The following TEX2 variants were observed in gnomAD, a reference collection of about 807,000 sequenced individuals.
The protein encoded by TEX2 is testis expressed 2.
Under a neutral mutation model 106.9 loss-of-function variants are expected in TEX2, and 53 were observed. The observed-to-expected ratio is 0.50, with a 90% CI of 0.40 to 0.62. The LOEUF (loss-of-function observed/expected upper bound fraction) is 0.62. TEX2 is among the 20% of genes least tolerant of loss of function. TEX2 has a pLI of 0.00. For synonymous variants in TEX2, 523 were observed against 534.8 expected (o/e 0.98, Z 0.30); for missense variants, 1,207 against 1,379.0 (o/e 0.88, Z 1.98).
intron 6 of TEX2, among the ~76,000 whole-genome samples, chr17:64,172,364 A>AG (rs1206425234): frequency 1.3e-4 from 20 of 151,552 alleles, no homozygotes; most frequent in Admixed American, 1.3e-3. Flanking sequence ...AAAAAAAAAA[A>AG]AAGAAAAATA....
chr17:64,223,094 G>T (rs1388009466), intron 1 of TEX2, among the ~76,000 whole-genome samples: 3 of 152,246 alleles, frequency 2.0e-5, no homozygotes, highest in Middle Eastern at 3.4e-3. Flanking sequence ...ATTAGTAGCT[G>T]CCATCTAACT....
rs373409575 is a variant in TEX2, at chr17:64,197,106, T to G, written c.1645-2011A>C. On this transcript the variant is annotated intron_variant, in intron 2 of 11. Transcript: ENST00000584379. Reference sequence around the variant, plus strand: ...GGTCTATAGTTTTCTTGCAGTGTTTTTTGGTATTAATGAGCCTCAGAAAAT... The same window carrying G: ...GGTCTATAGTTTTCTTGCAGTGTTTGTTGGTATTAATGAGCCTCAGAAAAT... Among the ~76,000 whole-genome samples, 54 of 151,498 alleles carry G rather than the reference T, an allele frequency of 3.6e-4. 1 individual carries two copies. The East Asian group carries it at 5.9e-3, about 17-fold the overall frequency.
At position 64,190,335 on chromosome 17, in the gene TEX2, T is replaced by C. The variant is rs529223182; in HGVS notation, c.2177-1920A>G. Among the ~76,000 whole-genome samples the C allele has an allele frequency of 3.9e-5, 6 of 152,148 alleles. No homozygotes were observed. The South Asian group carries it at 1.2e-3, about 32-fold the overall frequency. On this transcript the variant is annotated intron_variant, in intron 4 of 11. Coordinates refer to ENST00000584379, the MANE Select transcript of TEX2 (RefSeq NM_001288732.2). ...TGGATCCTGGAAGAGAAAAAGGACA[T>C]TAGTAGAAAAACCAGTGAAATCCAA...
Position 64,213,502 on chromosome 17 carries a change from T to G in TEX2, c.716A>C (p.Asp239Ala), listed in dbSNP as rs1555632065. 19 of 1,614,114 alleles carry G rather than the reference T, an allele frequency of 1.2e-5. No homozygotes were observed. Among genetic ancestry groups the G allele is most frequent in the Non-Finnish European group, 1.6e-5 (19 of 1,179,986 alleles). Reference protein sequence around the residue: ...ESDTVSYKPPDSKLNLHLFKQ... With the variant: ...ESDTVSYKPPASKLNLHLFKQ... ...GAACAGGTGTAAGTTCAGTTTGGAA[T>G]CAGGTGGCTTATAGGACACTGTATC... The change falls in exon 2 of 12, where the codon GAT (aspartate) becomes GCT (alanine). Residue 239 changes from aspartate (D) to alanine (A), a missense_variant. Around this residue, in one of 3 missense-constraint regions of TEX2, gnomAD observed 1,067 missense variants for 1,193.6 expected, o/e 0.89. Coordinates refer to ENST00000584379, the MANE Select transcript of TEX2 (RefSeq NM_001288732.2). This position sits in a 1 kb window ranked among gnomAD's most constrained non-coding sequence, Gnocchi z 4.4.
intron 1 of TEX2, among the ~76,000 whole-genome samples, chr17:64,262,512 G>C (rs747762761): frequency 2.6e-5 from 4 of 152,184 alleles, no homozygotes; most frequent in Non-Finnish European, 5.9e-5. Flanking sequence ...TCCACCGTAT[G>C]GTTTCCGTGC....
At chr17:64,181,879 T>A (rs2031883534) in intron 5 of TEX2, among the ~76,000 whole-genome samples, 1 of 151,878 alleles carries the variant, frequency 6.6e-6, no homozygotes, top group Non-Finnish European at 1.5e-5. Flanking sequence ...CATACAATTT[T>A]TCCATCCTTC....
chr17:64,220,015 CA>C (rs2033313647), intron 1 of TEX2, among the ~76,000 whole-genome samples: 1 of 152,162 alleles, frequency 6.6e-6, no homozygotes, highest in African/African-American at 2.4e-5. Context: ...GGCAGAAACT[CA>C]GAGAAGGCGA....
chr17:64,185,593 C>A lies in TEX2; in HGVS notation c.2424+2575G>T, dbSNP rs915475567. 6.6e-5 allele frequency among the ~76,000 whole-genome samples: 10 copies of A among 151,698 alleles called. No homozygotes were observed. The highest frequency in any genetic ancestry group is 4.6e-4 in the Admixed American group (7 of 15,216). On this transcript the variant is annotated intron_variant, in intron 5 of 11. Transcript: ENST00000584379. The surrounding 1 kb of genome is among the most constrained non-coding windows in gnomAD (Gnocchi z 4.0). ...CAGCACCACTGCACTCCAGTCTGGG[C>A]GACAGAGTGAGACTCCAACTAAAAA...
intron 1 of TEX2, among the ~76,000 whole-genome samples, chr17:64,251,706 A>G (rs2034095917): frequency 6.6e-6 from 1 of 152,194 alleles, no homozygotes; most frequent in African/African-American, 2.4e-5. Flanking sequence ...AAGCCTCCCC[A>G]TCTGCAGGGT....
At chr17:64,174,137 G>A (rs1187361258) in intron 6 of TEX2, among the ~76,000 whole-genome samples, 2 of 152,120 alleles carry the variant, frequency 1.3e-5, no homozygotes, top group Non-Finnish European at 1.5e-5. Flanking sequence ...AAGCCACCAT[G>A]CCCAGACATC....
At position 64,190,559 on chromosome 17, in the gene TEX2, TCC is replaced by T. The variant is rs202032825; in HGVS notation, c.2177-2146_2177-2145del. Among the ~76,000 whole-genome samples, 598 of 150,484 alleles carry T rather than the reference TCC, an allele frequency of 4.0e-3. 4 individuals carry two copies. The highest frequency in any genetic ancestry group is 0.014 in the African/African-American group (566 of 41,210). On this transcript the variant is annotated intron_variant, in intron 4 of 11. Transcript: ENST00000584379. ...CAGCCTCTTCACATCACCTCACCCT[TCC>T]CCTGAGTGGGACAAAGCACAGGAGT...
At chr17:64,239,948 C>T (rs1446450258) in intron 1 of TEX2, among the ~76,000 whole-genome samples, 11 of 147,234 alleles carry the variant, frequency 7.5e-5, no homozygotes, top group Admixed American at 2.0e-4. Flanking sequence ...CTGGTAAGTT[C>T]CTTACCAGGC....
rs779514632 is a variant in TEX2 at position 64,154,875 on chromosome 17, C to A, written c.2897G>T (p.Gly966Val). The A allele has an allele frequency of 6.2e-7, 1 of 1,608,904 alleles. No individual in the cohort carries two copies. The highest frequency in any genetic ancestry group is 8.5e-7 in the Non-Finnish European group (1 of 1,178,138). The change falls in exon 9 of 12, where the codon GGG (glycine) becomes GTG (valine). Residue 966 changes from glycine to valine, a missense_variant. Around this residue, in one of 3 missense-constraint regions of TEX2, gnomAD observed 1,067 missense variants for 1,193.6 expected, o/e 0.89. Coordinates refer to ENST00000584379, the MANE Select transcript of TEX2 (RefSeq NM_001288732.2). Reference sequence around the variant, plus strand: ...CCCTGGGAGGAGCTGTTTGTCTCCCCCGCTGGGCTCTGGGGCATCGTCTTC... The same window carrying A: ...CCCTGGGAGGAGCTGTTTGTCTCCCACGCTGGGCTCTGGGGCATCGTCTTC... ...SEEDDAPEPS[G>V]GDKQLLPGAE... is the part of the protein sequence containing the mutation.
At chr17:64,246,217 G>C (rs1327379670) in intron 1 of TEX2, among the ~76,000 whole-genome samples, 1 of 152,216 alleles carries the variant, frequency 6.6e-6, no homozygotes, top group African/African-American at 2.4e-5. Context: ...TCTGCTAACA[G>C]GGATCTGCTG....
intron 11 of TEX2, 150 bp from the exon 12 acceptor site, chr17:64,149,241 C>T: frequency 3.9e-6 from 3 of 768,006 alleles, no homozygotes; most frequent in Non-Finnish European, 4.0e-6. Context: ...TCCCACCATA[C>T]ATACTTTAGA....
rs563746929 is a variant in TEX2, at chr17:64,203,144, A to G, written c.1645-8049T>C. Among the ~76,000 whole-genome samples the G allele has an allele frequency of 8.7e-4, 132 of 152,350 alleles. No individual in the cohort carries two copies. The South Asian group carries it at 0.011, about 12-fold the overall frequency. ...ATCAGAAGTTCAAGGCCAATGCTCT[A>G]TTGCTCAGCTTGATACTGAGCTGAC... On this transcript the variant is annotated intron_variant, in intron 2 of 11. Transcript: ENST00000584379.
chr17:64,251,702 C>T (rs1178508283), intron 1 of TEX2, among the ~76,000 whole-genome samples: 1 of 152,180 alleles, frequency 6.6e-6, no homozygotes, highest in Non-Finnish European at 1.5e-5. Flanking sequence ...GGGGAAGCCT[C>T]CCCATCTGCA....
Position 64,240,079 on chromosome 17 carries a change from G to T in TEX2, c.-26+23089C>A, listed in dbSNP as rs1437416603. On this transcript the variant is annotated intron_variant, in intron 1 of 11. Transcript: ENST00000584379. ...CCTAGAAATGCATAAATGAAATCATGATAAATGAGGGGGAAAATACAAACT... is the reference window on the plus strand; with the variant it reads ...CCTAGAAATGCATAAATGAAATCATTATAAATGAGGGGGAAAATACAAACT... Among the ~76,000 whole-genome samples, 3 of 151,908 alleles carry T rather than the reference G, an allele frequency of 2.0e-5. No homozygotes were observed. In the East Asian group the frequency reaches 5.8e-4, roughly 29 times the overall value.
At chr17:64,211,290 T>C (rs1211722067) in intron 2 of TEX2, among the ~76,000 whole-genome samples, 1 of 152,162 alleles carries the variant, frequency 6.6e-6, no homozygotes, top group East Asian at 1.9e-4. Context: ...CAAGACACCT[T>C]GGACAATGAC....
Sources: allele counts gnomAD v4.1 joint callset (sites outside exome capture counted in the v4.1 genomes callset), GRCh38; gene constraint gnomAD v4.1.1; regional missense constraint gnomAD v4.1.1; non-coding constraint Gnocchi (gnomAD v3.1); transcripts MANE v1.5; gene names NCBI Gene and HGNC (gene_info 2026-07-23, HGNC 2026-07-21).